Variants in LRMDA observed in about 807,000 individuals in gnomAD.
LRMDA encodes leucine rich melanocyte differentiation associated, also known as leucine-rich melanocyte differentiation-associated protein.
A neutral mutation model predicts 29.8 loss-of-function variants in LRMDA; 18 were observed. The ratio of observed to expected loss-of-function variants is 0.60; its 90% CI spans 0.42 to 0.90. The LOEUF (loss-of-function observed/expected upper bound fraction) is 0.90, where lower values mean the gene tolerates loss of function less well. Among genes scored for constraint, LRMDA ranks in the 40% least tolerant of loss-of-function variants. The pLI is 0.00. For missense variants in LRMDA, 273 were observed against 273.9 expected (o/e 1.00, Z 0.02); for synonymous variants, 125 against 109.4 (o/e 1.14, Z -0.89).
chr10:75,892,658 C>T (rs1456422908), intron 2 of LRMDA, among the ~76,000 whole-genome samples: 1 of 152,108 alleles, frequency 6.6e-6, no homozygotes, highest in Non-Finnish European at 1.5e-5. Flanking sequence ...GATAATGTAT[C>T]ACATACTCAT....
chr10:75,628,703 A>G (rs551662001), intron 2 of LRMDA, among the ~76,000 whole-genome samples: 36 of 152,330 alleles, frequency 2.4e-4, no homozygotes, highest in Non-Finnish European at 4.7e-4. Context: ...AGCCAAAGCC[A>G]GGGGACCCCC....
intron 4 of LRMDA, among the ~76,000 whole-genome samples, chr10:76,048,736 C>A (rs956176051): frequency 6.6e-6 from 1 of 152,206 alleles, no homozygotes; most frequent in Non-Finnish European, 1.5e-5. Flanking sequence ...CAGCTCCCAA[C>A]AAGTTCAATT....
intron 2 of LRMDA, among the ~76,000 whole-genome samples, chr10:75,513,373 A>G (rs1302103852): frequency 1.3e-5 from 2 of 152,126 alleles, no homozygotes; most frequent in Non-Finnish European, 1.5e-5. Context: ...CCACCATACA[A>G]ATATCATCCC....
intron 6 of LRMDA, among the ~76,000 whole-genome samples, chr10:76,365,083 CACAT>C (rs1564521427): frequency 2.0e-5 from 1 of 50,938 alleles, no homozygotes; most frequent in Non-Finnish European, 3.7e-5. Flanking sequence ...CACACACACA[CACAT>C]ATATATATAT....
intron 6 of LRMDA, among the ~76,000 whole-genome samples, chr10:76,345,694 A>G (rs183626935): frequency 2.6e-4 from 39 of 152,134 alleles, no homozygotes; most frequent in Admixed American, 2.4e-3. Flanking sequence ...TTACACGTGC[A>G]TTTACTTTAA....
At position 75,603,304 on chromosome 10, in the gene LRMDA, TAAG is replaced by T. The variant is rs527498014; in HGVS notation, c.131+164814_131+164816del. Reference sequence around the variant, plus strand: ...TCAAGTTTAGGGTCTGTTTCATTATTAAGAAGGTACTTTTTAAAATAGTTCTGT... The same window carrying T: ...TCAAGTTTAGGGTCTGTTTCATTATTAAGGTACTTTTTAAAATAGTTCTGT... On this transcript the variant is annotated intron_variant, in intron 2 of 6. Coordinates refer to ENST00000611255, the MANE Select transcript of LRMDA (RefSeq NM_001305581.2). Among the ~76,000 whole-genome samples the T allele has an allele frequency of 1.4e-3, 209 of 152,284 alleles. 1 individual carries two copies. Among genetic ancestry groups the T allele is most frequent in the African/African-American group, 4.5e-3 (186 of 41,560 alleles).
At chr10:75,640,319 G>A (rs187074482) in intron 2 of LRMDA, among the ~76,000 whole-genome samples, 3 of 152,102 alleles carry the variant, frequency 2.0e-5, no homozygotes, top group Non-Finnish European at 4.4e-5. Flanking sequence ...TTCTAAGGAG[G>A]TACTCTTAAA....
chr10:75,592,136 T>C (rs553450850), intron 2 of LRMDA, among the ~76,000 whole-genome samples: 2 of 151,930 alleles, frequency 1.3e-5, no homozygotes, highest in South Asian at 2.1e-4. Context: ...CAAAGAGGAA[T>C]GAGCTGGGGT....
At chr10:76,554,003 A>G (rs912860469) in intron 6 of LRMDA, among the ~76,000 whole-genome samples, 2 of 152,082 alleles carry the variant, frequency 1.3e-5, no homozygotes, top group African/African-American at 4.8e-5. Context: ...AGTAGCCAAG[A>G]TATCAGTGGG....
intron 5 of LRMDA, among the ~76,000 whole-genome samples, chr10:76,151,504 A>C (rs893545904): frequency 5.3e-5 from 8 of 152,064 alleles, no homozygotes; most frequent in African/African-American, 1.9e-4. Context: ...TATCCTTTGC[A>C]CTTAGCTCTT....
intron 6 of LRMDA, among the ~76,000 whole-genome samples, chr10:76,469,296 G>A (rs887597218): frequency 4.6e-5 from 7 of 152,112 alleles, no homozygotes; most frequent in South Asian, 2.1e-4. Context: ...TATTCCCTCC[G>A]ACTCTGAGAT....
At chr10:75,708,218 C>T (rs1478723184) in intron 2 of LRMDA, among the ~76,000 whole-genome samples, 1 of 152,164 alleles carries the variant, frequency 6.6e-6, no homozygotes, top group Non-Finnish European at 1.5e-5. Flanking sequence ...ACTAGCAGGG[C>T]GTCTGCTCCA....
At chr10:75,852,812 G>A (rs1844754342) in intron 2 of LRMDA, among the ~76,000 whole-genome samples, 1 of 152,140 alleles carries the variant, frequency 6.6e-6, no homozygotes, top group Non-Finnish European at 1.5e-5. Flanking sequence ...ACTAGCTTTA[G>A]TATAGGCTCC....
rs768629555 is a variant in LRMDA, at chr10:75,941,356, T to TAATA, written c.132-94652_132-94651insAATA. Among the ~76,000 whole-genome samples the TAATA allele has an allele frequency of 5.2e-4, 79 of 152,250 alleles. No homozygotes were observed. The Middle Eastern group carries it at 0.024, about 46-fold the overall frequency. On this transcript the variant is annotated intron_variant, in intron 2 of 6. Coordinates refer to ENST00000611255, the MANE Select transcript of LRMDA (RefSeq NM_001305581.2). ...TGAAAAGAGAGTGCTCTATAAAGTG[T>TAATA]TATTGTTGGGGCTGTTAAAAATGGA...
At chr10:76,347,561 C>A (rs1463536764) in intron 6 of LRMDA, among the ~76,000 whole-genome samples, 1 of 152,106 alleles carries the variant, frequency 6.6e-6, no homozygotes, top group Non-Finnish European at 1.5e-5. Flanking sequence ...CCGCTGAGAG[C>A]AAAACATAAT....
At chr10:75,743,273 T>C (rs1035216851) in intron 2 of LRMDA, among the ~76,000 whole-genome samples, 4 of 152,212 alleles carry the variant, frequency 2.6e-5, no homozygotes, top group Admixed American at 6.5e-5. Context: ...TCCGAATTAC[T>C]GAGGTTTGAC....
At chr10:75,831,968 A>AAACC (rs1272782980) in intron 2 of LRMDA, among the ~76,000 whole-genome samples, 1 of 152,214 alleles carries the variant, frequency 6.6e-6, no homozygotes, top group Non-Finnish European at 1.5e-5. Context: ...CCAGCCCGTG[A>AAACC]AACCATTTTC....
chr10:75,783,048 A>G, intron 2 of LRMDA: 2 of 1,613,764 alleles, frequency 1.2e-6, no homozygotes, highest in Non-Finnish European at 1.7e-6. Context: ...CCCTTAATCA[A>G]AGAGTCGGTC....
At chr10:76,067,762 G>A (rs950047861) in intron 5 of LRMDA, among the ~76,000 whole-genome samples, 3 of 152,114 alleles carry the variant, frequency 2.0e-5, no homozygotes, top group Non-Finnish European at 4.4e-5. Flanking sequence ...TAGGAACAGG[G>A]AAAAAAGGCC....
Sources: allele counts gnomAD v4.1 joint callset (sites outside exome capture counted in the v4.1 genomes callset), GRCh38; gene constraint gnomAD v4.1.1; transcripts MANE v1.5; gene names NCBI Gene and HGNC (gene_info 2026-07-23, HGNC 2026-07-21).